The following SLC5A10 variants were observed in gnomAD, a reference collection of about 807,000 sequenced individuals.
SLC5A10 encodes sodium/mannose cotransporter SLC5A10.
In SLC5A10, 55 loss-of-function variants were observed where a neutral mutation model predicts 68.9. The observed-to-expected ratio is 0.80, with a 90% CI of 0.64 to 1.00. The LOEUF is 1.00. Among genes scored for constraint, SLC5A10 ranks in the 50% least tolerant of loss-of-function variants. The probability of loss-of-function intolerance (pLI) is 0.00; values close to 1 mark genes in which losing one functional copy is unlikely to be tolerated. For missense variants in SLC5A10, 732 were observed against 819.3 expected (o/e 0.89, Z 1.30); for synonymous variants, 344 against 344.8 (o/e 1.00, Z 0.02).
Position 18,996,108 on chromosome 17 carries a change from A to C in SLC5A10, c.983-17302A>C, listed in dbSNP as rs1422227807. On this transcript the variant is annotated intron_variant, in intron 9 of 14. Coordinates refer to ENST00000395645, the MANE Select transcript of SLC5A10 (RefSeq NM_001042450.4). This position sits in a 1 kb window ranked among gnomAD's most constrained non-coding sequence, Gnocchi z 4.4. ...CAGAATCACTGCAAGCCACAAGACAACAGGCAATATCTTTAAAGTACTAAA... is the reference window on the plus strand; with the variant it reads ...CAGAATCACTGCAAGCCACAAGACACCAGGCAATATCTTTAAAGTACTAAA... Among the ~76,000 whole-genome samples the C allele has an allele frequency of 6.6e-6, 1 of 151,738 alleles. No individual in the cohort carries two copies. The highest frequency in any genetic ancestry group is 1.5e-5 in the Non-Finnish European group (1 of 67,998).
intron 5 of SLC5A10, among the ~76,000 whole-genome samples, chr17:18,967,900 A>G (rs2042744543): frequency 6.6e-6 from 1 of 151,070 alleles, no homozygotes; most frequent in Non-Finnish European, 1.5e-5. Context: ...CTTCCCCTGA[A>G]CTACCTGCCC....
chr17:19,009,316 C>T (rs754745788), intron 9 of SLC5A10, among the ~76,000 whole-genome samples: 9 of 152,214 alleles, frequency 5.9e-5, no homozygotes, highest in South Asian at 4.1e-4. Flanking sequence ...CTCAGCCTCC[C>T]GAATAGCTGA....
At chr17:18,988,105 T>C in intron 9 of SLC5A10, 1 of 1,293,022 alleles carries the variant, frequency 7.7e-7, no homozygotes, top group Non-Finnish European at 1.0e-6. Flanking sequence ...ATGTGACTGC[T>C]TGGCAGGAGG....
chr17:18,961,784 C>T (rs969082545), intron 5 of SLC5A10, among the ~76,000 whole-genome samples: 1 of 152,112 alleles, frequency 6.6e-6, no homozygotes, highest in African/African-American at 2.4e-5. Flanking sequence ...GCATCTGACC[C>T]GCCCTCTCCT....
chr17:19,000,793 A>AG lies in SLC5A10; in HGVS notation c.983-12615dup. ...GGGGAGGTGGAAGCATGGGCACGAG[A>AG]GGTGATTCATGGGGAGAGATAAGGC... is the stretch of plus-strand genomic sequence containing the variant. On this transcript the variant is annotated intron_variant, in intron 9 of 14. Transcript: ENST00000395645. The surrounding 1 kb of genome is among the most constrained non-coding windows in gnomAD (Gnocchi z 5.2). Among the ~76,000 whole-genome samples, 1 of 152,184 alleles carries AG rather than the reference A, an allele frequency of 6.6e-6. No homozygotes were observed. Among genetic ancestry groups the AG allele is most frequent in the African/African-American group, 2.4e-5 (1 of 41,528 alleles).
intron 9 of SLC5A10, among the ~76,000 whole-genome samples, chr17:18,985,925 G>A (rs915553407): frequency 6.6e-6 from 1 of 152,242 alleles, no homozygotes; most frequent in African/African-American, 2.4e-5. Context: ...GATTTAGAAT[G>A]TGTGGTTCTT....
At chr17:19,014,378 G>A (rs1037418219) in intron 10 of SLC5A10, among the ~76,000 whole-genome samples, 2 of 152,144 alleles carry the variant, frequency 1.3e-5, no homozygotes, top group Admixed American at 1.3e-4. Context: ...AATGCTACCC[G>A]CACCTCCTAG....
At position 18,971,214 on chromosome 17, in the gene SLC5A10, A is replaced by C; in HGVS notation, c.842A>C (p.Asp281Ala). The C allele has an allele frequency of 1.9e-6, 3 of 1,613,846 alleles. No homozygotes were observed. The highest frequency in any genetic ancestry group is 2.5e-6 in the Non-Finnish European group (3 of 1,180,024). Residue 281 changes from aspartate to alanine, a missense_variant, in exon 8 of 15, where the codon GAC (aspartate) becomes GCC (alanine). Asp to Ala is a moderately radical substitution (Grantham distance 126, BLOSUM62 -2). Transcript: ENST00000395645. This position sits in a 1 kb window ranked among gnomAD's most constrained non-coding sequence, Gnocchi z 5.5. Reference sequence around the variant, plus strand: ...ATGGCCACCTGGTACTGGTGCACCGACCAGGTGAGTGCCAACGTCTCCCGC... The same window carrying C: ...ATGGCCACCTGGTACTGGTGCACCGCCCAGGTGAGTGCCAACGTCTCCCGC... Reference protein sequence around the residue: ...TIMATWYWCTDQVIVQRSLSA... With the variant: ...TIMATWYWCTAQVIVQRSLSA...
chr17:18,983,423 A>G (rs1156598252), intron 9 of SLC5A10, among the ~76,000 whole-genome samples: 1 of 152,174 alleles, frequency 6.6e-6, no homozygotes, highest in Non-Finnish European at 1.5e-5. Flanking sequence ...TTGGTTTTAT[A>G]ATGGAAGCCA....
At chr17:18,980,706 C>T (rs916012507) in intron 9 of SLC5A10, among the ~76,000 whole-genome samples, 4 of 152,086 alleles carry the variant, frequency 2.6e-5, no homozygotes, top group Admixed American at 6.5e-5. Context: ...ACCCAAGTGT[C>T]GAGGATGGCC....
intron 8 of SLC5A10, chr17:18,975,623 AG>A (rs1172219087): frequency 6.6e-6 from 1 of 151,658 alleles, no homozygotes; most frequent in Admixed American, 6.6e-5. Context: ...GAACCCTGGA[AG>A]GCAGAGGTTG....
At position 18,977,626 on chromosome 17, in the gene SLC5A10, C is replaced by T; in HGVS notation, c.982+637C>T. The T allele has an allele frequency of 1.9e-6, 3 of 1,609,738 alleles. No homozygotes were observed. In the South Asian group the frequency reaches 3.3e-5, roughly 18 times the overall value. On this transcript the variant is annotated intron_variant, in intron 9 of 14. Transcript: ENST00000395645. ...TGGAGCGCTGGGCCTGCATCCTCTT[C>T]AACGCATCTGCTTCTTCTCTTCCCC... is the stretch of plus-strand genomic sequence containing the variant.
At chr17:18,956,196 AAAATAAAT>A (rs71155382) in intron 1 of SLC5A10, among the ~76,000 whole-genome samples, 10,558 of 143,772 alleles carry the variant, frequency 0.073, 471 homozygotes, top group Non-Finnish European at 0.1. Flanking sequence ...CTCTGTCTCA[AAAATAAAT>A]AAATAAATAA....
chr17:18,997,148 T>TGCAGC (rs2043589461), intron 9 of SLC5A10, among the ~76,000 whole-genome samples: 1 of 152,230 alleles, frequency 6.6e-6, no homozygotes, highest in Admixed American at 6.5e-5. Flanking sequence ...CTGCAGTGGG[T>TGCAGC]TGGGGTCAAG....
rs2042861242 is a variant in SLC5A10, at chr17:18,971,732, T to A, written c.846+514T>A. 6.4e-7 allele frequency: 1 copy of A among 1,570,886 alleles called. No individual in the cohort carries two copies. ...AGTCCCTGAGGCAGGGACCCTGTGA[T>A]GATGAAACTGCTGGCCCTGGGAGAG... On this transcript the variant is annotated intron_variant, in intron 8 of 14. Transcript: ENST00000395645. This position sits in a 1 kb window ranked among gnomAD's most constrained non-coding sequence, Gnocchi z 5.5.
intron 5 of SLC5A10, 46 bp downstream of exon 5, chr17:18,960,698 C>T: frequency 6.4e-7 from 1 of 1,554,966 alleles, no homozygotes. Context: ...GAAACATCGC[C>T]AATCTGTGGG....
intron 9 of SLC5A10, among the ~76,000 whole-genome samples, chr17:18,985,777 C>T (rs529170466): frequency 2.0e-5 from 3 of 152,280 alleles, no homozygotes; most frequent in South Asian, 2.1e-4. Flanking sequence ...CCTGGGGAAG[C>T]GAGGCGGCTG....
At chr17:18,966,216 C>A (rs1288347153) in intron 5 of SLC5A10, among the ~76,000 whole-genome samples, 1 of 152,132 alleles carries the variant, frequency 6.6e-6, no homozygotes, top group African/African-American at 2.4e-5. Context: ...GGCCACATCA[C>A]AGGAGCAGGC....
In SLC5A10 at chr17:19,019,586, G is replaced by A. The variant is rs1453244081; in HGVS notation, c.1405G>A (p.Glu469Lys). The A allele has an allele frequency of 3.1e-6, 5 of 1,611,096 alleles. No individual in the cohort carries two copies. The South Asian group carries it at 4.4e-5, about 14-fold the overall frequency. ...VLGVFWRRAN[E>K]QGAFWGLIAG... Reference sequence around the variant, plus strand: ...GGGCGTCTTCTGGCGACGTGCCAACGAGCAGGTGGGCGTCGGCGGTCTGCT... The same window carrying A: ...GGGCGTCTTCTGGCGACGTGCCAACAAGCAGGTGGGCGTCGGCGGTCTGCT... The change falls in exon 12 of 15, where the codon GAG becomes AAG. Residue 469 changes from glutamate (E) to lysine (K), a missense_variant. Physicochemically the swap from Glu to Lys is moderately conservative, Grantham distance 56. Coordinates refer to ENST00000395645, the MANE Select transcript of SLC5A10 (RefSeq NM_001042450.4).
Sources: gnomAD v4.1 joint callset for allele counts (sites outside exome capture counted in the v4.1 genomes callset) on GRCh38, gnomAD v4.1.1 for gene constraint, Gnocchi (gnomAD v3.1) non-coding constraint, MANE v1.5 for transcripts, NCBI Gene and HGNC (gene_info 2026-07-23, HGNC 2026-07-21) for gene names.